SEC24A: variants seen among roughly 807,000 people sequenced by gnomAD.
The protein encoded by SEC24A is SEC24 homolog A, COPII component, also known as protein transport protein Sec24A.
A neutral mutation model predicts 129.4 loss-of-function variants in SEC24A; 93 were observed. The ratio of observed to expected loss-of-function variants is 0.72; its 90% CI spans 0.61 to 0.85. SEC24A has a LOEUF of 0.85. Ranked by LOEUF, SEC24A falls within the 40% of genes least tolerant of loss-of-function variation. SEC24A has a pLI of 0.00. For synonymous variants in SEC24A, 460 were observed against 467.3 expected (o/e 0.98, Z 0.20); for missense variants, 1,264 against 1,307.4 (o/e 0.97, Z 0.51).
chr5:134,703,146 A>G (rs867867561), intron 15 of SEC24A, among the ~76,000 whole-genome samples: 2 of 152,120 alleles, frequency 1.3e-5, no homozygotes, highest in African/African-American at 4.8e-5. Context: ...ATTTTTCTGC[A>G]TGTGTGAATT....
Position 134,723,610 on chromosome 5 carries a change from T to A in SEC24A, c.3107T>A (p.Ile1036Lys). 6.2e-7 allele frequency: 1 copy of A among 1,613,552 alleles called. No homozygotes were observed. Among genetic ancestry groups the A allele is most frequent in the East Asian group, 2.2e-5 (1 of 44,838 alleles). The change falls in exon 22 of 23, where the codon ATA (isoleucine) becomes AAA (lysine). Residue 1036 changes from isoleucine (I) to lysine (K), a missense_variant. By Grantham distance (102) the Ile-to-Lys change is moderately radical. Transcript: ENST00000398844. ...GATACACCAGAATCTGCCAGAATAA[T>A]AGCTTTCATCTCTTGGCTTAGAGAG... The part of the protein sequence containing the change: ...ELDTPESARI[I>K]AFISWLREQR...
At chr5:134,663,282 G>A (rs77182747) in intron 2 of SEC24A, among the ~76,000 whole-genome samples, 2,173 of 152,032 alleles carry the variant, frequency 0.014, 30 homozygotes, top group Non-Finnish European at 0.022. Flanking sequence ...TGTCGCCCAG[G>A]GTAGAGTAGG....
intron 2 of SEC24A, among the ~76,000 whole-genome samples, chr5:134,662,803 C>G (rs1216644469): frequency 6.6e-6 from 1 of 152,030 alleles, no homozygotes; most frequent in Non-Finnish European, 1.5e-5. Flanking sequence ...CATTTGATAC[C>G]ATGAGTGAGC....
chr5:134,665,866 C>T (rs1226755303), intron 2 of SEC24A, among the ~76,000 whole-genome samples: 2 of 152,140 alleles, frequency 1.3e-5, no homozygotes, highest in African/African-American at 4.8e-5. Flanking sequence ...ATGGAACAGA[C>T]TATGTTGGTA....
chr5:134,691,781 G>C (rs960003089), intron 11 of SEC24A, among the ~76,000 whole-genome samples: 2 of 151,818 alleles, frequency 1.3e-5, no homozygotes, highest in African/African-American at 4.8e-5. Flanking sequence ...CACCGTGCCC[G>C]GCCGACCTTC....
At chr5:134,649,509 C>T (rs1749975563) in intron 1 of SEC24A, among the ~76,000 whole-genome samples, 1 of 152,074 alleles carries the variant, frequency 6.6e-6, no homozygotes. Context: ...GCCACCTCAC[C>T]CCAGTCTCCT....
intron 8 of SEC24A, among the ~76,000 whole-genome samples, 166 bp downstream of exon 8, chr5:134,679,894 T>C (rs1215223957): frequency 1.3e-5 from 2 of 152,010 alleles, no homozygotes; most frequent in Non-Finnish European, 2.9e-5. Context: ...TTTATATTTA[T>C]AAATAAATTT....
intron 3 of SEC24A, among the ~76,000 whole-genome samples, chr5:134,670,610 G>T (rs1750822048): frequency 6.6e-6 from 1 of 152,168 alleles, no homozygotes; most frequent in Non-Finnish European, 1.5e-5. Flanking sequence ...CTATTTTAGT[G>T]GTTGTCCTCT....
intron 7 of SEC24A, among the ~76,000 whole-genome samples, chr5:134,678,587 T>A (rs116042004): frequency 0.011 from 1,727 of 151,742 alleles, 31 homozygotes; most frequent in African/African-American, 0.038. Flanking sequence ...TATATTTTTT[T>A]AATTTATTTC....
chr5:134,666,831 G>C lies in SEC24A; in HGVS notation c.574G>C (p.Val192Leu). The C allele has an allele frequency of 8.7e-6, 14 of 1,613,954 alleles. No homozygotes were observed. Among genetic ancestry groups the C allele is most frequent in the Non-Finnish European group, 1.2e-5 (14 of 1,179,968 alleles). The change falls in exon 3 of 23, where the codon GTA becomes CTA. Residue 192 changes from valine (V) to leucine (L), a missense_variant. By Grantham distance (32) the Val-to-Leu change is conservative. Transcript: ENST00000398844. ...QNSFIKSGPS[V>L]PPLVNPPLPT... ...AACCAATGTTTCCATAGGTCCTTCTGTACCTCCCTTAGTGAATCCACCTCT... is the reference window on the plus strand; with the variant it reads ...AACCAATGTTTCCATAGGTCCTTCTCTACCTCCCTTAGTGAATCCACCTCT...
intron 1 of SEC24A, among the ~76,000 whole-genome samples, chr5:134,649,627 A>ACTTTAGGCATG (rs1326420574): frequency 3.3e-5 from 5 of 151,890 alleles, no homozygotes; most frequent in African/African-American, 9.7e-5. Context: ...CTTTTGGGAC[A>ACTTTAGGCATG]CCCCTTTAGG....
At chr5:134,693,547 C>T (rs927180888) in intron 12 of SEC24A, 180 bp from the exon 13 acceptor site, 1 of 1,428,094 alleles carries the variant, frequency 7.0e-7, no homozygotes, top group African/African-American at 1.4e-5. Context: ...TCTTGCTTGC[C>T]AATTTATAAT....
intron 6 of SEC24A, 114 bp downstream of exon 6, chr5:134,675,331 G>A (rs982190198): frequency 1.2e-5 from 9 of 742,918 alleles, no homozygotes; most frequent in Non-Finnish European, 1.9e-5. Flanking sequence ...GAAAGTTCTG[G>A]ATACAGATGA....
At chr5:134,676,152 T>G in intron 7 of SEC24A, 27 bp downstream of exon 7, 1 of 1,558,346 alleles carries the variant, frequency 6.4e-7, no homozygotes, top group East Asian at 2.2e-5. Flanking sequence ...TTCTTTTTTT[T>G]TTTTTGAGAC....
At chr5:134,662,169 T>A (rs1409889976) in intron 2 of SEC24A, among the ~76,000 whole-genome samples, 1 of 151,882 alleles carries the variant, frequency 6.6e-6, no homozygotes, top group Non-Finnish European at 1.5e-5. Flanking sequence ...TTATTTATTT[T>A]TTTGAGACGG....
At chr5:134,713,450 T>C (rs2150110479) in intron 18 of SEC24A, among the ~76,000 whole-genome samples, 1 of 152,274 alleles carries the variant, frequency 6.6e-6, no homozygotes, top group African/African-American at 2.4e-5. Flanking sequence ...ATATTTTGCT[T>C]ATTTTTATTC....
intron 2 of SEC24A, among the ~76,000 whole-genome samples, chr5:134,662,079 C>T (rs1198874886): frequency 6.6e-6 from 1 of 152,058 alleles, no homozygotes; most frequent in Non-Finnish European, 1.5e-5. Context: ...AATCCGCCCA[C>T]CTCAGCCTCC....
At chr5:134,723,466 A>G in intron 21 of SEC24A, 101 bp from the exon 22 acceptor site, 1 of 725,408 alleles carries the variant, frequency 1.4e-6, no homozygotes, top group Non-Finnish European at 2.2e-6. Context: ...CTCAAAAAAG[A>G]AAAAAAATGT....
intron 1 of SEC24A, among the ~76,000 whole-genome samples, chr5:134,656,668 C>T (rs1049953430): frequency 1.6e-4 from 24 of 151,746 alleles, no homozygotes; most frequent in South Asian, 6.2e-4. Flanking sequence ...TTAGTAGAGA[C>T]GGGGTTTCAC....
Sources: allele counts gnomAD v4.1 joint callset (sites outside exome capture counted in the v4.1 genomes callset), GRCh38; gene constraint gnomAD v4.1.1; transcripts MANE v1.5; gene names NCBI Gene and HGNC (gene_info 2026-07-23, HGNC 2026-07-21).